The following CCSER1 variants were observed in gnomAD, a reference collection of about 807,000 sequenced individuals.
CCSER1 encodes coiled-coil serine rich protein 1.
In CCSER1, 41 loss-of-function variants were observed where a neutral mutation model predicts 82.0. The observed-to-expected ratio is 0.50, with a 90% CI of 0.39 to 0.65. CCSER1 has a LOEUF of 0.65. Ranked by LOEUF, CCSER1 falls within the 30% of genes least tolerant of loss-of-function variation. The pLI is 0.00. For missense variants in CCSER1, 1,119 were observed against 1,064.2 expected (o/e 1.05, Z -0.72); for synonymous variants, 414 against 383.9 (o/e 1.08, Z -0.92).
At chr4:90,549,612 C>T (rs1777209880) in intron 5 of CCSER1, among the ~76,000 whole-genome samples, 1 of 152,074 alleles carries the variant, frequency 6.6e-6, no homozygotes, top group Non-Finnish European at 1.5e-5. Flanking sequence ...ATTTGGATAT[C>T]ACATAGGATA....
At chr4:90,762,197 T>C (rs1320965899) in intron 7 of CCSER1, among the ~76,000 whole-genome samples, 3 of 152,058 alleles carry the variant, frequency 2.0e-5, no homozygotes, top group African/African-American at 7.2e-5. Flanking sequence ...GTTCTTGTGA[T>C]AGTAAGTGAG....
intron 10 of CCSER1, among the ~76,000 whole-genome samples, chr4:91,259,818 A>G (rs1740974540): frequency 6.6e-6 from 1 of 151,992 alleles, no homozygotes; most frequent in Non-Finnish European, 1.5e-5. Flanking sequence ...TATGTGCCAC[A>G]TTTTCTTTAT....
intron 10 of CCSER1, among the ~76,000 whole-genome samples, chr4:91,293,474 A>G (rs1743910881): frequency 6.6e-6 from 1 of 151,992 alleles, no homozygotes; most frequent in South Asian, 2.1e-4. Flanking sequence ...AAATTAGTAC[A>G]CCAAATGAAT....
At chr4:90,777,562 C>CT (rs1481124405) in intron 7 of CCSER1, among the ~76,000 whole-genome samples, 2 of 152,070 alleles carry the variant, frequency 1.3e-5, no homozygotes, top group Admixed American at 6.6e-5. Context: ...TATGCCATCA[C>CT]TTATCTCCAT....
At chr4:90,517,264 G>T (rs1772417480) in intron 5 of CCSER1, among the ~76,000 whole-genome samples, 1 of 152,172 alleles carries the variant, frequency 6.6e-6, no homozygotes, top group Admixed American at 6.6e-5. Context: ...CTTCTACTGA[G>T]TGTGTATTGT....
At chr4:90,471,016 C>T (rs1339222449) in intron 5 of CCSER1, among the ~76,000 whole-genome samples, 1 of 151,832 alleles carries the variant, frequency 6.6e-6, no homozygotes, top group Admixed American at 6.6e-5. Context: ...GATGAGGTGT[C>T]AAAATAATGA....
At chr4:91,488,791 C>A (rs1758355659) in intron 10 of CCSER1, among the ~76,000 whole-genome samples, 1 of 152,152 alleles carries the variant, frequency 6.6e-6, no homozygotes, top group Non-Finnish European at 1.5e-5. Flanking sequence ...TCAGGTAGTT[C>A]TTTATAGCAG....
intron 9 of CCSER1, among the ~76,000 whole-genome samples, chr4:90,937,966 C>G (rs1030510458): frequency 1.3e-5 from 2 of 152,088 alleles, no homozygotes; most frequent in Non-Finnish European, 2.9e-5. Flanking sequence ...TATGGCTCAT[C>G]CTTTCATATA....
At chr4:91,547,758 T>A (rs7667244) in intron 10 of CCSER1, among the ~76,000 whole-genome samples, 81,815 of 151,890 alleles carry the variant, frequency 0.54, 22,253 homozygotes, top group East Asian at 0.61. Flanking sequence ...TTTCCAATAA[T>A]CCACAATTTT....
At chr4:91,402,384 A>C (rs571040776) in intron 10 of CCSER1, among the ~76,000 whole-genome samples, 12 of 152,154 alleles carry the variant, frequency 7.9e-5, no homozygotes, top group Middle Eastern at 6.8e-3. Flanking sequence ...GCTGTGCAGA[A>C]GCTCTTTAGT....
intron 10 of CCSER1, among the ~76,000 whole-genome samples, chr4:91,331,414 A>C (rs1232059529): frequency 6.6e-6 from 1 of 152,084 alleles, no homozygotes; most frequent in Non-Finnish European, 1.5e-5. Context: ...CAAGGGCTTA[A>C]AAGATCTGGC....
At chr4:91,446,378 T>A (rs1005192044) in intron 10 of CCSER1, among the ~76,000 whole-genome samples, 2 of 151,970 alleles carry the variant, frequency 1.3e-5, no homozygotes, top group Non-Finnish European at 2.9e-5. Flanking sequence ...ACAGTGAGAA[T>A]TAACCATTTA....
intron 9 of CCSER1, among the ~76,000 whole-genome samples, chr4:91,007,736 T>G (rs548738926): frequency 2.0e-5 from 3 of 152,172 alleles, no homozygotes; most frequent in African/African-American, 7.2e-5. Flanking sequence ...CTTTATTTCT[T>G]TTACTCTTGC....
intron 10 of CCSER1, among the ~76,000 whole-genome samples, chr4:91,105,006 T>C: frequency 6.6e-6 from 1 of 152,170 alleles, no homozygotes; most frequent in East Asian, 1.9e-4. Context: ...ACCTGAATAA[T>C]ATACATTGTA....
At chr4:90,628,658 T>C (rs1046204596) in intron 6 of CCSER1, among the ~76,000 whole-genome samples, 15 of 152,184 alleles carry the variant, frequency 9.9e-5, no homozygotes, top group Non-Finnish European at 4.4e-5. Context: ...TAATCAGAAT[T>C]CAGTAAAATT....
intron 1 of CCSER1, among the ~76,000 whole-genome samples, chr4:90,148,728 A>G (rs1302551841): frequency 6.6e-6 from 1 of 152,192 alleles, no homozygotes; most frequent in Admixed American, 6.5e-5. Context: ...ATTGGAAATC[A>G]AATGTTTTAC....
intron 1 of CCSER1, among the ~76,000 whole-genome samples, chr4:90,276,674 A>T (rs1308546325): frequency 6.6e-5 from 10 of 152,068 alleles, no homozygotes; most frequent in Non-Finnish European, 1.5e-4. Flanking sequence ...AATGCACTGA[A>T]GAGTTCTCTT....
At chr4:90,370,409 G>A (rs1403901344) in intron 3 of CCSER1, 1 of 152,052 alleles carries the variant, frequency 6.6e-6, no homozygotes, top group Non-Finnish European at 1.5e-5. Flanking sequence ...AGTATAAATG[G>A]TAGGTTGGAT....
chr4:90,490,938 T>C (rs1261823094), intron 5 of CCSER1, among the ~76,000 whole-genome samples: 1 of 152,156 alleles, frequency 6.6e-6, no homozygotes, highest in African/African-American at 2.4e-5. Flanking sequence ...TGTAGTATAG[T>C]TTGAAGTGAG....
Sources: gnomAD v4.1 joint callset for allele counts (sites outside exome capture counted in the v4.1 genomes callset) on GRCh38, gnomAD v4.1.1 for gene constraint, MANE v1.5 for transcripts, NCBI Gene and HGNC (gene_info 2026-07-23, HGNC 2026-07-21) for gene names.